ALK: variants seen among roughly 807,000 people sequenced by gnomAD.
ALK encodes ALK receptor tyrosine kinase, also known as ALK tyrosine kinase receptor.
Under a neutral mutation model 163.1 loss-of-function variants are expected in ALK, and 74 were observed. That is an observed-to-expected ratio of 0.45 (90% confidence interval 0.38 to 0.55). The LOEUF (loss-of-function observed/expected upper bound fraction) is 0.55, where lower values mean the gene tolerates loss of function less well. Among genes scored for constraint, ALK ranks in the 20% least tolerant of loss-of-function variants. The pLI, the probability that ALK is intolerant of heterozygous loss-of-function variation, is 0.00. For synonymous variants in ALK, 960 were observed against 843.2 expected (o/e 1.14, Z -2.40); for missense variants, 2,063 against 2,105.3 (o/e 0.98, Z 0.39).
intron 3 of ALK, among the ~76,000 whole-genome samples, chr2:29,662,026 C>G (rs1677363122): frequency 2.0e-5 from 3 of 152,132 alleles, no homozygotes; most frequent in Non-Finnish European, 4.4e-5. Flanking sequence ...TCTCCTGCCT[C>G]AGCCTCCCGA....
At chr2:29,770,223 T>C (rs1358884649) in intron 1 of ALK, among the ~76,000 whole-genome samples, 2 of 152,212 alleles carry the variant, frequency 1.3e-5, no homozygotes, top group African/African-American at 4.8e-5. Flanking sequence ...ATCTCCAAAC[T>C]CTTTCCCCAT....
chr2:29,540,614 T>A (rs1474897683), intron 3 of ALK, among the ~76,000 whole-genome samples: 2 of 149,510 alleles, frequency 1.3e-5, no homozygotes, highest in African/African-American at 4.9e-5. Flanking sequence ...ACCCTATAGG[T>A]TTTTCTCCTC....
At chr2:29,776,115 G>A (rs1681167911) in intron 1 of ALK, among the ~76,000 whole-genome samples, 1 of 151,876 alleles carries the variant, frequency 6.6e-6, no homozygotes, top group Admixed American at 6.6e-5. Flanking sequence ...GGCATGATGT[G>A]AGGCACAGCA....
chr2:29,276,324 T>C (rs1665546531), intron 9 of ALK, among the ~76,000 whole-genome samples: 1 of 152,196 alleles, frequency 6.6e-6, no homozygotes, highest in African/African-American at 2.4e-5. Context: ...TTTCATATCC[T>C]TGGAGGGCCA....
At chr2:29,729,380 A>C (rs1444454526) in intron 1 of ALK, among the ~76,000 whole-genome samples, 2 of 152,214 alleles carry the variant, frequency 1.3e-5, no homozygotes, top group East Asian at 3.8e-4. Context: ...AGAGATGGCA[A>C]GGAGACGCCT....
intron 28 of ALK, among the ~76,000 whole-genome samples, chr2:29,194,263 CT>C (rs1668967926): frequency 2.6e-5 from 4 of 151,520 alleles, no homozygotes; most frequent in Non-Finnish European, 5.9e-5. Flanking sequence ...TTATTCCAGT[CT>C]AGTTCCACTA....
intron 4 of ALK, among the ~76,000 whole-genome samples, chr2:29,455,550 C>T (rs1162201330): frequency 6.6e-6 from 1 of 152,166 alleles, no homozygotes; most frequent in Non-Finnish European, 1.5e-5. Flanking sequence ...ATTTCTGTCT[C>T]TTTTTCTCTC....
intron 11 of ALK, among the ~76,000 whole-genome samples, chr2:29,255,491 A>G (rs1664927717): frequency 6.6e-6 from 1 of 152,196 alleles, no homozygotes; most frequent in African/African-American, 2.4e-5. Flanking sequence ...CTAATACTCG[A>G]TGAGACTTGT....
intron 25 of ALK, among the ~76,000 whole-genome samples, 154 bp from the exon 26 acceptor site, chr2:29,207,426 G>A (rs901945073): frequency 4.6e-5 from 7 of 152,136 alleles, no homozygotes; most frequent in Non-Finnish European, 1.0e-4. Flanking sequence ...GGAGAGCAGG[G>A]GCACACAGAT....
chr2:29,728,200 T>C (rs1015866315), intron 1 of ALK, among the ~76,000 whole-genome samples: 7 of 152,250 alleles, frequency 4.6e-5, no homozygotes, highest in Admixed American at 2.0e-4. Flanking sequence ...TACTGGGGGC[T>C]TTATAGTCAT....
chr2:29,438,822 G>A (rs1199186559), intron 4 of ALK, among the ~76,000 whole-genome samples: 1 of 152,168 alleles, frequency 6.6e-6, no homozygotes, highest in Non-Finnish European at 1.5e-5. Flanking sequence ...GGGCCATGAG[G>A]GTCAATGGAG....
At chr2:29,874,203 A>T (rs1321803280) in intron 1 of ALK, among the ~76,000 whole-genome samples, 2 of 152,252 alleles carry the variant, frequency 1.3e-5, no homozygotes, top group East Asian at 3.9e-4. Flanking sequence ...AAATGGTGAG[A>T]TTATTCCCTT....
chr2:29,789,642 T>C (rs1452559469), intron 1 of ALK, among the ~76,000 whole-genome samples: 1 of 152,134 alleles, frequency 6.6e-6, no homozygotes, highest in Non-Finnish European at 1.5e-5. Context: ...AGTGAAGCCA[T>C]GGGCAGACCC....
At chr2:29,296,432 G>T (rs148849916) in intron 9 of ALK, among the ~76,000 whole-genome samples, 1 of 152,336 alleles carries the variant, frequency 6.6e-6, no homozygotes, top group Non-Finnish European at 1.5e-5. Flanking sequence ...AACAGGACAG[G>T]AGTGGTAAAT....
chr2:29,831,235 G>GGAAGAGGAA (rs1558508987), intron 1 of ALK, among the ~76,000 whole-genome samples: 1 of 33,952 alleles, frequency 2.9e-5, no homozygotes, highest in South Asian at 1.4e-3. Flanking sequence ...AAGAAGAAGA[G>GGAAGAGGAA]GAAGAAGAAG....
intron 26 of ALK, among the ~76,000 whole-genome samples, chr2:29,204,458 A>G (rs568883531): frequency 1.3e-3 from 205 of 152,156 alleles, no homozygotes; most frequent in Non-Finnish European, 1.9e-3. Flanking sequence ...ATATTCCTCA[A>G]TTGGGATTTG....
At chr2:29,778,676 G>A (rs1370031576) in intron 1 of ALK, among the ~76,000 whole-genome samples, 1 of 152,128 alleles carries the variant, frequency 6.6e-6, no homozygotes, top group Non-Finnish European at 1.5e-5. Context: ...TATGGCAGCT[G>A]AAAGTTTCCT....
At chr2:29,717,905 G>C (rs1679310154) in intron 1 of ALK, among the ~76,000 whole-genome samples, 1 of 152,192 alleles carries the variant, frequency 6.6e-6, no homozygotes. Flanking sequence ...AGATCTAAGA[G>C]GTCTGAATGT....
chr2:29,715,261 A>G (rs1490111375), intron 2 of ALK, among the ~76,000 whole-genome samples: 1 of 152,242 alleles, frequency 6.6e-6, no homozygotes, highest in Non-Finnish European at 1.5e-5. Context: ...CCATAAATCA[A>G]TAGCAACGAT....
Sources: allele counts gnomAD v4.1 joint callset (sites outside exome capture counted in the v4.1 genomes callset), GRCh38; gene constraint gnomAD v4.1.1; transcripts MANE v1.5; gene names NCBI Gene and HGNC (gene_info 2026-07-23, HGNC 2026-07-21).